The following CD248 variants were observed in gnomAD, a reference collection of about 807,000 sequenced individuals.
CD248 encodes endosialin.
In CD248, 7 loss-of-function variants were observed where a neutral mutation model predicts 8.0. That is an observed-to-expected ratio of 0.88 (90% CI 0.50 to 1.64). The LOEUF (loss-of-function observed/expected upper bound fraction) is 1.64. Ranked by LOEUF, CD248 falls within the 40% of genes most tolerant of loss-of-function variation. The probability of loss-of-function intolerance (pLI) is 0.00; values close to 1 mark genes in which losing one functional copy is unlikely to be tolerated. For missense variants in CD248, 912 were observed against 1,027.2 expected (o/e 0.89, Z 1.53); for synonymous variants, 418 against 437.1 (o/e 0.96, Z 0.54).
rs1177479357 is a variant in CD248 at position 66,315,438 on chromosome 11, G to A, written c.1590C>T (p.Ser530=). 2.5e-6 allele frequency: 4 copies of A among 1,613,644 alleles called. No individual in the cohort carries two copies. Among genetic ancestry groups the A allele is most frequent in the African/African-American group, 2.7e-5 (2 of 74,846 alleles). ...KYPELFPAHQ[S]PMFPDTRVAG... ...CGACCCGGGTGTCTGGAAACATGGG[G>A]GACTGGTGGGCAGGGAAGAGCTCCG... The change falls in exon 1 of 1, where the codon TCC becomes TCT. Residue 530 remains serine (S), a synonymous_variant. Coordinates refer to ENST00000311330, the MANE Select transcript of CD248 (RefSeq NM_020404.3). The surrounding 1 kb of genome is among the most constrained non-coding windows in gnomAD (Gnocchi z 4.3).
In CD248 at chr11:66,315,048, G is replaced by A. The variant is rs199602462; in HGVS notation, c.1980C>T (p.Pro660=). 5.7e-6 allele frequency: 9 copies of A among 1,585,392 alleles called. No homozygotes were observed. The Admixed American group carries it at 1.0e-4, about 18-fold the overall frequency. The change falls in exon 1 of 1, where the codon CCC becomes CCT. Residue 660 remains proline, a synonymous_variant. Coordinates refer to ENST00000311330, the MANE Select transcript of CD248 (RefSeq NM_020404.3). The surrounding 1 kb of genome is among the most constrained non-coding windows in gnomAD (Gnocchi z 4.3). The stretch of plus-strand genomic sequence containing the variant: ...TTGGGGCTGCTGTGGGAGCTGGTGA[G>A]GGCAGCCACAGGGCCAACTTGGGAC... ...GPSPKLALWL[P]SPAPTAAPTA... is the part of the protein sequence containing the mutation.
Position 66,315,678 on chromosome 11 carries a change from A to G in CD248, c.1350T>C (p.Pro450=). The G allele has an allele frequency of 3.7e-6, 6 of 1,613,616 alleles. No homozygotes were observed. The highest frequency in any genetic ancestry group is 8.5e-7 in the Non-Finnish European group (1 of 1,179,796). ...TGGGATGCGTGGCAGAGACCACCAC[A>G]GGCCGGGTGACGGAGAGCACTGAGG... is the stretch of plus-strand genomic sequence containing the variant. ...YHSSVLSVTR[P]VVVSATHPTL... The change falls in exon 1 of 1, where the codon CCT becomes CCC. Residue 450 remains proline (P), a synonymous_variant. Transcript: ENST00000311330. The surrounding 1 kb of genome is among the most constrained non-coding windows in gnomAD (Gnocchi z 4.3).
chr11:66,315,075 G>A lies in CD248; in HGVS notation c.1953C>T (p.Pro651=). Reference sequence around the variant, plus strand: ...GCAGCCACAGGGCCAACTTGGGACTGGGGCCATCTTCCCTTGGGATTTGGG... The same window carrying A: ...GCAGCCACAGGGCCAACTTGGGACTAGGGCCATCTTCCCTTGGGATTTGGG... ...KAPQIPREDG[P]SPKLALWLPS... The change falls in exon 1 of 1, where the codon CCC becomes CCT. Residue 651 remains proline (P), a synonymous_variant. Transcript: ENST00000311330. The surrounding 1 kb of genome is among the most constrained non-coding windows in gnomAD (Gnocchi z 4.3). The A allele has an allele frequency of 6.4e-7, 1 of 1,567,518 alleles. No homozygotes were observed. Among genetic ancestry groups the A allele is most frequent in the Non-Finnish European group, 8.7e-7 (1 of 1,155,864 alleles).
chr11:66,315,418 C>T lies in CD248; in HGVS notation c.1610G>A (p.Arg537Gln), dbSNP rs374966102. The T allele has an allele frequency of 2.5e-5, 41 of 1,612,194 alleles. No homozygotes were observed. Among genetic ancestry groups the T allele is most frequent in the Admixed American group, 5.0e-5 (3 of 59,886 alleles). The change falls in exon 1 of 1, where the codon CGG (arginine) becomes CAG (glutamine). Residue 537 changes from arginine to glutamine, a missense_variant. Around this residue, in one of 3 missense-constraint regions of CD248, gnomAD observed 507 missense variants for 562.2 expected, o/e 0.90. Coordinates refer to ENST00000311330, the MANE Select transcript of CD248 (RefSeq NM_020404.3). This position sits in a 1 kb window ranked among gnomAD's most constrained non-coding sequence, Gnocchi z 4.3. ...AGTGGTGGTCTGGGTGCCAGCGACC[C>T]GGGTGTCTGGAAACATGGGGGACTG... ...AHQSPMFPDT[R>Q]VAGTQTTTHL...
chr11:66,316,860 G>A lies in CD248; in HGVS notation c.168C>T (p.Gly56=), dbSNP rs372367867. Residue 56 remains glycine (G), a synonymous_variant, in exon 1 of 1, where the codon GGC becomes GGT. Transcript: ENST00000311330. ...EAWRACRELG[G]DLATPRTPEE... is the part of the protein sequence containing the mutation. The stretch of plus-strand genomic sequence containing the variant: ...CGGGGGTCCGAGGAGTGGCCAGGTC[G>A]CCCCCCAGCTCGCGGCAGGCCCGCC... 1,979 of 1,548,636 alleles carry A rather than the reference G, an allele frequency of 1.3e-3. 39 individuals carry two copies. The South Asian group carries it at 0.022, about 17-fold the overall frequency.
At position 66,316,142 on chromosome 11, in the gene CD248, A is replaced by G. The variant is rs775467640; in HGVS notation, c.886T>C (p.Cys296Arg). The G allele has an allele frequency of 1.9e-6, 3 of 1,612,840 alleles. 1 individual carries two copies. The highest frequency in any genetic ancestry group is 2.5e-6 in the Non-Finnish European group (3 of 1,180,026). Residue 296 changes from cysteine to arginine, a missense_variant, in exon 1 of 1, where the codon TGT (cysteine) becomes CGT (arginine). Around this residue, in one of 3 missense-constraint regions of CD248, gnomAD observed 403 missense variants for 446.2 expected, o/e 0.90. Transcript: ENST00000311330. ...PGGPQGYSCHCRLGFRPAEDD... is the reference protein window; with the variant it reads ...PGGPQGYSCHRRLGFRPAEDD... ...TCCGCTGGCCGGAAACCCAGGCGAC[A>G]GTGGCAGCTGTAGCCTTGTGGCCCA...
Position 66,315,268 on chromosome 11 carries a change from G to A in CD248, c.1760C>T (p.Thr587Ile). 6.5e-7 allele frequency: 1 copy of A among 1,539,678 alleles called. No homozygotes were observed. Among genetic ancestry groups the A allele is most frequent in the Non-Finnish European group, 8.7e-7 (1 of 1,143,474 alleles). Reference protein sequence around the residue: ...TQATQLPIIPTAQPSLTTTSR... With the variant: ...TQATQLPIIPIAQPSLTTTSR... ...GGTGGTGGTCAGAGAGGGCTGGGCA[G>A]TTGGGATAATGGGAAGCTGGGTGGC... is the stretch of plus-strand genomic sequence containing the variant. The change falls in exon 1 of 1, where the codon ACT becomes ATT. Residue 587 changes from threonine (T) to isoleucine (I), a missense_variant. Coordinates refer to ENST00000311330, the MANE Select transcript of CD248 (RefSeq NM_020404.3). This position sits in a 1 kb window ranked among gnomAD's most constrained non-coding sequence, Gnocchi z 4.3.
Position 66,316,183 on chromosome 11 carries a change from T to C in CD248, c.845A>G (p.Gln282Arg). ...EDPCAQAPCE[Q>R]QCEPGGPQGY... ...TTGTGGCCCACCGGGCTCACACTGC[T>C]GCTCGCACGGAGCCTGGGCACAGGG... is the stretch of plus-strand genomic sequence containing the variant. Residue 282 changes from glutamine to arginine, a missense_variant, in exon 1 of 1, where the codon CAG (glutamine) becomes CGG (arginine). Physicochemically the swap from Gln to Arg is conservative, Grantham distance 43. Around this residue, in one of 3 missense-constraint regions of CD248, gnomAD observed 403 missense variants for 446.2 expected, o/e 0.90. Coordinates refer to ENST00000311330, the MANE Select transcript of CD248 (RefSeq NM_020404.3). 6.2e-7 allele frequency: 1 copy of C among 1,612,566 alleles called. No individual in the cohort carries two copies. The highest frequency in any genetic ancestry group is 8.5e-7 in the Non-Finnish European group (1 of 1,179,952).
rs1446370149 is a variant in CD248, at chr11:66,315,394, G to A, written c.1634C>T (p.Thr545Ile). 2.5e-6 allele frequency: 4 copies of A among 1,611,740 alleles called. No individual in the cohort carries two copies. The highest frequency in any genetic ancestry group is 3.4e-6 in the Non-Finnish European group (4 of 1,178,496). Residue 545 changes from threonine (T) to isoleucine (I), a missense_variant, in exon 1 of 1, where the codon ACT becomes ATT. By Grantham distance (89) the Thr-to-Ile change is moderately conservative (BLOSUM62 -1). Coordinates refer to ENST00000311330, the MANE Select transcript of CD248 (RefSeq NM_020404.3). The surrounding 1 kb of genome is among the most constrained non-coding windows in gnomAD (Gnocchi z 4.3). Reference protein sequence around the residue: ...DTRVAGTQTTTHLPGIPPNHA... With the variant: ...DTRVAGTQTTIHLPGIPPNHA... ...GTTAGGTGGGATTCCAGGCAAATGA[G>A]TGGTGGTCTGGGTGCCAGCGACCCG...
At position 66,316,913 on chromosome 11, in the gene CD248, G is replaced by T. The variant is rs954810659; in HGVS notation, c.115C>A (p.Pro39Thr). Residue 39 changes from proline (P) to threonine (T), a missense_variant, in exon 1 of 1, where the codon CCA becomes ACA. Physicochemically the swap from Pro to Thr is conservative, Grantham distance 38. This residue lies in a region of CD248 where 403 missense variants were observed against 446.2 expected (regional missense o/e 0.90). Transcript: ENST00000311330. ...GCCTCCAGGAAGGTGCGGCGCCGTG[G>T]GAAGAGAGCGTAGCAGCTGCTGGGG... The part of the protein sequence containing the change: ...CGPSSCYALF[P>T]RRRTFLEAWR... 4.5e-6 allele frequency: 7 copies of T among 1,559,376 alleles called. No individual in the cohort carries two copies. The highest frequency in any genetic ancestry group is 6.0e-6 in the Non-Finnish European group (7 of 1,162,808).
rs1371344435 is a variant in CD248, at chr11:66,315,761, G to C, written c.1267C>G (p.Pro423Ala). The C allele has an allele frequency of 6.2e-7, 1 of 1,611,956 alleles. No homozygotes were observed. Among genetic ancestry groups the C allele is most frequent in the Non-Finnish European group, 8.5e-7 (1 of 1,178,594 alleles). Residue 423 changes from proline to alanine, a missense_variant, in exon 1 of 1, where the codon CCC becomes GCC. Pro to Ala is a conservative substitution (Grantham distance 27, BLOSUM62 -1). Around this residue, in one of 3 missense-constraint regions of CD248, gnomAD observed 507 missense variants for 562.2 expected, o/e 0.90. Coordinates refer to ENST00000311330, the MANE Select transcript of CD248 (RefSeq NM_020404.3). This position sits in a 1 kb window ranked among gnomAD's most constrained non-coding sequence, Gnocchi z 4.3. ...SFPEDREPQI[P>A]YPEPTWPPPL... is the part of the protein sequence containing the mutation. ...GGTGGCCAGGTGGGCTCCGGGTAGG[G>C]TATCTGTGGCTCTCTGTCCTCTGGG...
rs754533366 is a variant in CD248 at position 66,315,357 on chromosome 11, C to G, written c.1671G>C (p.Leu557=). The stretch of plus-strand genomic sequence containing the variant: ...GTAGCTGGGCACCGAGGGTGGTGAC[C>G]AGAGGGGCATGGTTAGGTGGGATTC... ...LPGIPPNHAP[L]VTTLGAQLPP... Residue 557 remains leucine, a synonymous_variant, in exon 1 of 1, where the codon CTG becomes CTC. Transcript: ENST00000311330. This position sits in a 1 kb window ranked among gnomAD's most constrained non-coding sequence, Gnocchi z 4.3. 4.5e-5 allele frequency: 72 copies of G among 1,597,076 alleles called. No homozygotes were observed. Among genetic ancestry groups the G allele is most frequent in the Non-Finnish European group, 4.9e-5 (57 of 1,170,080 alleles).
chr11:66,315,062 C>T lies in CD248; in HGVS notation c.1966G>A (p.Ala656Thr), dbSNP rs199624704. The T allele has an allele frequency of 2.0e-4, 315 of 1,576,076 alleles. No homozygotes were observed. Among genetic ancestry groups the T allele is most frequent in the Non-Finnish European group, 2.5e-4 (286 of 1,160,054 alleles). The stretch of plus-strand genomic sequence containing the variant: ...GGAGCTGGTGAGGGCAGCCACAGGG[C>T]CAACTTGGGACTGGGGCCATCTTCC... ...PREDGPSPKLALWLPSPAPTA... is the reference protein window; with the variant it reads ...PREDGPSPKLTLWLPSPAPTA... The change falls in exon 1 of 1, where the codon GCC becomes ACC. Residue 656 changes from alanine to threonine, a missense_variant. Around this residue, in one of 3 missense-constraint regions of CD248, gnomAD observed 507 missense variants for 562.2 expected, o/e 0.90. Transcript: ENST00000311330. The surrounding 1 kb of genome is among the most constrained non-coding windows in gnomAD (Gnocchi z 4.3).
In CD248 at chr11:66,314,645, C is replaced by G; in HGVS notation, c.*109G>C. On this transcript the variant is annotated 3_prime_UTR_variant, in exon 1 of 1. Transcript: ENST00000311330. This position sits in a 1 kb window ranked among gnomAD's most constrained non-coding sequence, Gnocchi z 4.0. ...GGTTGAGAGAGGACCCTGGCTGGGC[C>G]TGGGGAGCAGGAAGCCATCTGTCCA... 6.5e-6 allele frequency: 6 copies of G among 921,786 alleles called. No individual in the cohort carries two copies. Among genetic ancestry groups the G allele is most frequent in the Non-Finnish European group, 9.6e-6 (6 of 623,854 alleles). The allele number at this position is 921,786 out of a possible 1,614,324, so 57.1% of individuals were successfully genotyped here. A position where few individuals can be genotyped will look rare whatever the true frequency, so the allele number is the denominator to read the frequency against.
rs113882023 is a variant in CD248 at position 66,315,825 on chromosome 11, C to T, written c.1203G>A (p.Thr401=). The change falls in exon 1 of 1, where the codon ACG becomes ACA. Residue 401 remains threonine, a synonymous_variant. Transcript: ENST00000311330. The surrounding 1 kb of genome is among the most constrained non-coding windows in gnomAD (Gnocchi z 4.3). ...AGGCCAGGGCAAAGTCAGGCGGCTG[C>T]GTAGGCTCCATCCACAGGATCCCAG... is the stretch of plus-strand genomic sequence containing the variant. The part of the protein sequence containing the change: ...EMPGILWMEP[T]QPPDFALAYR... The T allele has an allele frequency of 2.3e-4, 364 of 1,613,952 alleles. 6 individuals carry two copies. The South Asian group carries it at 2.3e-3, about 10-fold the overall frequency.
rs939652881 is a variant in CD248, at chr11:66,315,140, T to C, written c.1888A>G (p.Thr630Ala). 1 of 1,535,912 alleles carries C rather than the reference T, an allele frequency of 6.5e-7. No homozygotes were observed. Among genetic ancestry groups the C allele is most frequent in the African/African-American group, 1.4e-5 (1 of 72,150 alleles). Residue 630 changes from threonine to alanine, a missense_variant, in exon 1 of 1, where the codon ACC becomes GCC. Physicochemically the swap from Thr to Ala is moderately conservative, Grantham distance 58. Coordinates refer to ENST00000311330, the MANE Select transcript of CD248 (RefSeq NM_020404.3). The surrounding 1 kb of genome is among the most constrained non-coding windows in gnomAD (Gnocchi z 4.3). ...LLPSQSPTNQ[T>A]SPISPTHPHS... is the part of the protein sequence containing the mutation. ...GGATGTGTAGGGCTGATGGGTGAGG[T>C]CTGGTTAGTGGGGCTCTGAGAGGGC...
Position 66,316,752 on chromosome 11 carries a change from C to A in CD248, c.276G>T (p.Arg92=). 6.2e-7 allele frequency: 1 copy of A among 1,600,248 alleles called. No homozygotes were observed. The highest frequency in any genetic ancestry group is 8.5e-7 in the Non-Finnish European group (1 of 1,178,982). Reference sequence around the variant, plus strand: ...GCAGTGGGCGCTGCAGCTGGCATTGCCGGGCCTGCCGCTGCAGCCCGATCC... The same window carrying A: ...GCAGTGGGCGCTGCAGCTGGCATTGACGGGCCTGCCGCTGCAGCCCGATCC... The part of the protein sequence containing the change: ...LLWIGLQRQA[R]QCQLQRPLRG... The change falls in exon 1 of 1, where the codon CGG becomes CGT. Residue 92 remains arginine, a synonymous_variant. Coordinates refer to ENST00000311330, the MANE Select transcript of CD248 (RefSeq NM_020404.3).
Position 66,316,351 on chromosome 11 carries a change from G to C in CD248, c.677C>G (p.Ala226Gly). 1.2e-6 allele frequency: 2 copies of C among 1,612,590 alleles called. No homozygotes were observed. The highest frequency in any genetic ancestry group is 1.7e-6 in the Non-Finnish European group (2 of 1,179,918). Reference protein sequence around the residue: ...QPEGGVGWSRAGPLCLGTGCS... With the variant: ...QPEGGVGWSRGGPLCLGTGCS... ...GCCAGTCCCCAGGCACAGGGGCCCA[G>C]CCCGTGACCAGCCCACACCTCCCTC... Residue 226 changes from alanine to glycine, a missense_variant, in exon 1 of 1, where the codon GCT becomes GGT. This residue lies in a region of CD248 where 403 missense variants were observed against 446.2 expected (regional missense o/e 0.90). Coordinates refer to ENST00000311330, the MANE Select transcript of CD248 (RefSeq NM_020404.3).
Position 66,316,812 on chromosome 11 carries a change from G to C in CD248, c.216C>G (p.Ser72Arg). The change falls in exon 1 of 1, where the codon AGC becomes AGG. Residue 72 changes from serine to arginine, a missense_variant. By Grantham distance (110) the Ser-to-Arg change is moderately radical. Coordinates refer to ENST00000311330, the MANE Select transcript of CD248 (RefSeq NM_020404.3). ...RTPEEAQRVD[S>R]LVGAGPASRL... ...GGCTGGCTGGGCCCGCACCCACCAG[G>C]CTGTCCACACGCTGGGCCTCCTCGG... 6.3e-7 allele frequency: 1 copy of C among 1,583,624 alleles called. No homozygotes were observed. Among genetic ancestry groups the C allele is most frequent in the Non-Finnish European group, 8.5e-7 (1 of 1,171,966 alleles).
Sources: gnomAD v4.1 joint callset for allele counts on GRCh38, gnomAD v4.1.1 for gene constraint, gnomAD v4.1.1 regional missense constraint, Gnocchi (gnomAD v3.1) non-coding constraint, MANE v1.5 for transcripts, NCBI Gene and HGNC (gene_info 2026-07-23, HGNC 2026-07-21) for gene names.